Variants in PRKAR2A observed in about 807,000 individuals in gnomAD.
The protein encoded by PRKAR2A is cAMP-dependent protein kinase type II-alpha regulatory subunit.
PRKAR2A carries 29 observed loss-of-function variants against 51.9 expected under a neutral mutation model. The observed-to-expected ratio is 0.56, with a 90% CI of 0.42 to 0.76. PRKAR2A has a LOEUF of 0.76. Ranked by LOEUF, PRKAR2A falls within the 30% of genes least tolerant of loss-of-function variation. The pLI is 0.00. For missense variants in PRKAR2A, 445 were observed against 512.1 expected, an observed-to-expected ratio of 0.87 and a Z score of 1.26; for synonymous variants, 178 against 186.2, an observed-to-expected ratio of 0.96 and a Z score of 0.36.
intron 1 of PRKAR2A, among the ~76,000 whole-genome samples, chr3:48,838,825 A>AG (rs1448268856): frequency 6.6e-6 from 1 of 151,320 alleles, no homozygotes; most frequent in East Asian, 1.9e-4. Flanking sequence ...AAAAAAAAAA[A>AG]TACAAAAAAT....
chr3:48,765,151 T>C (rs1391690938), intron 7 of PRKAR2A, 73 bp from the exon 8 acceptor site: 2 of 1,548,998 alleles, frequency 1.3e-6, no homozygotes, highest in East Asian at 2.2e-5. Flanking sequence ...AGCACAGAAA[T>C]AGGATTAGAA....
At chr3:48,841,405 T>C (rs2083379307) in intron 1 of PRKAR2A, among the ~76,000 whole-genome samples, 1 of 150,990 alleles carries the variant, frequency 6.6e-6, no homozygotes, top group Admixed American at 6.6e-5. Context: ...ATTACCCAAG[T>C]GTGGTGGCGC....
intron 8 of PRKAR2A, among the ~76,000 whole-genome samples, chr3:48,764,627 T>C (rs1435728617): frequency 1.3e-5 from 2 of 151,622 alleles, no homozygotes; most frequent in Admixed American, 1.3e-4. Flanking sequence ...ACATAGAAGG[T>C]TTTTTGGTTT....
chr3:48,795,712 G>A (rs1575891879), intron 2 of PRKAR2A, among the ~76,000 whole-genome samples: 1 of 151,984 alleles, frequency 6.6e-6, no homozygotes, highest in Non-Finnish European at 1.5e-5. Context: ...AATTTTTGTA[G>A]TTTTAGTAGA....
intron 5 of PRKAR2A, among the ~76,000 whole-genome samples, chr3:48,774,153 A>G (rs917443546): frequency 1.3e-5 from 2 of 151,830 alleles, no homozygotes; most frequent in African/African-American, 4.8e-5. Flanking sequence ...TCTTTTATTA[A>G]TATATAATAT....
At chr3:48,755,685 G>A (rs2081749533) in intron 9 of PRKAR2A, among the ~76,000 whole-genome samples, 1 of 149,398 alleles carries the variant, frequency 6.7e-6, no homozygotes, top group Admixed American at 6.7e-5. Flanking sequence ...ACGGTTCACT[G>A]CAGCCTCAAT....
At chr3:48,759,685 C>T (rs1425592559) in intron 8 of PRKAR2A, among the ~76,000 whole-genome samples, 5 of 152,178 alleles carry the variant, frequency 3.3e-5, no homozygotes. Flanking sequence ...CTGCGCCCGG[C>T]CAAGTATCCT....
At chr3:48,783,445 C>A (rs2082235180) in intron 4 of PRKAR2A, among the ~76,000 whole-genome samples, 1 of 152,236 alleles carries the variant, frequency 6.6e-6, no homozygotes, top group African/African-American at 2.4e-5. Context: ...ATGCTCCCAC[C>A]TTCCTACAGC....
chr3:48,832,202 G>A (rs1367765861), intron 1 of PRKAR2A, among the ~76,000 whole-genome samples: 2 of 150,830 alleles, frequency 1.3e-5, no homozygotes, highest in African/African-American at 2.4e-5. Context: ...GCTGAGGCAC[G>A]AGAATCGCTT....
chr3:48,796,213 G>A (rs1165940409), intron 2 of PRKAR2A, among the ~76,000 whole-genome samples: 1 of 152,112 alleles, frequency 6.6e-6, no homozygotes, highest in Non-Finnish European at 1.5e-5. Context: ...GTAATTTATT[G>A]CCTATGTCCA....
intron 1 of PRKAR2A, among the ~76,000 whole-genome samples, chr3:48,816,415 C>T (rs997489977): frequency 4.0e-5 from 6 of 151,436 alleles, no homozygotes; most frequent in Non-Finnish European, 8.9e-5. Flanking sequence ...CCGAGGCAGG[C>T]GGATCACAAG....
chr3:48,844,225 CAA>C (rs1477818608), intron 1 of PRKAR2A, among the ~76,000 whole-genome samples: 1 of 152,134 alleles, frequency 6.6e-6, no homozygotes, highest in Non-Finnish European at 1.5e-5. Flanking sequence ...AGCCAAAAGA[CAA>C]ATGAAAAAAT....
chr3:48,811,171 T>C (rs1189886541), intron 1 of PRKAR2A, among the ~76,000 whole-genome samples: 1 of 150,132 alleles, frequency 6.7e-6, no homozygotes, highest in Admixed American at 6.6e-5. Flanking sequence ...AGGGAGACTA[T>C]CTCTTAATTT....
At chr3:48,814,340 C>T (rs143582612) in intron 1 of PRKAR2A, among the ~76,000 whole-genome samples, 39 of 152,174 alleles carry the variant, frequency 2.6e-4, no homozygotes, top group African/African-American at 8.9e-4. Context: ...ATTGCTTGAA[C>T]CACGGAGGTG....
chr3:48,801,002 GCGGACAGT>G (rs1459310157), intron 2 of PRKAR2A, among the ~76,000 whole-genome samples: 1 of 151,866 alleles, frequency 6.6e-6, no homozygotes, highest in Non-Finnish European at 1.5e-5. Context: ...GTTGGCTGAG[GCGGACAGT>G]CTCACTCATC....
rs547338509 is a variant in PRKAR2A at position 48,760,761 on chromosome 3, G to C, written c.873+4243C>G. ...GAGGCAGGAGAATCGCTTGAACACA[G>C]GAGGCGGGGGTGGTGGTGAGCTGAG... On this transcript the variant is annotated intron_variant, in intron 8 of 10. Transcript: ENST00000265563. Among the ~76,000 whole-genome samples the C allele has an allele frequency of 2.4e-4, 37 of 151,440 alleles. No homozygotes were observed. In the South Asian group the frequency reaches 4.6e-3, roughly 19 times the overall value.
In PRKAR2A at chr3:48,748,097, C is replaced by A. The variant is rs1258759097; in HGVS notation, c.*3488G>T. On this transcript the variant is annotated 3_prime_UTR_variant, in exon 11 of 11. Coordinates refer to ENST00000265563, the MANE Select transcript of PRKAR2A (RefSeq NM_004157.4). ...GCAGTGAGGGTCTGAACTGATGATC[C>A]ATATGTCAATCAGTAGTTGGAGGAG... is the stretch of plus-strand genomic sequence containing the variant. The A allele has an allele frequency of 6.6e-6, 1 of 151,620 alleles. No individual in the cohort carries two copies. The highest frequency in any genetic ancestry group is 1.5e-5 in the Non-Finnish European group (1 of 67,976). 9.4% of individuals were successfully genotyped at this position (151,620 alleles called of 1,614,324 possible). A position where few individuals can be genotyped will look rare whatever the true frequency, so the allele number is the denominator to read the frequency against.
intron 4 of PRKAR2A, among the ~76,000 whole-genome samples, chr3:48,788,513 TA>T (rs1385009090): frequency 3.3e-5 from 5 of 151,986 alleles, no homozygotes; most frequent in African/African-American, 1.2e-4. Context: ...GAAGAAACAG[TA>T]GAGAAGAATA....
At chr3:48,800,103 C>T (rs1050940330) in intron 2 of PRKAR2A, among the ~76,000 whole-genome samples, 2 of 151,886 alleles carry the variant, frequency 1.3e-5, no homozygotes, top group African/African-American at 4.8e-5. Flanking sequence ...TGTGATCCAC[C>T]CGCCTTGGCC....
Sources: allele counts gnomAD v4.1 joint callset (sites outside exome capture counted in the v4.1 genomes callset), GRCh38; gene constraint gnomAD v4.1.1; transcripts MANE v1.5; gene names NCBI Gene and HGNC (gene_info 2026-07-23, HGNC 2026-07-21).